Variants in ADAMTS20 observed in about 807,000 individuals in gnomAD.
The protein encoded by ADAMTS20 is A disintegrin and metalloproteinase with thrombospondin motifs 20.
In ADAMTS20, 225 loss-of-function variants were observed where a neutral mutation model predicts 260.1. That is an observed-to-expected ratio of 0.87 (90% CI 0.78 to 0.97). The LOEUF (loss-of-function observed/expected upper bound fraction) is 0.97, where lower values mean the gene tolerates loss of function less well. Among genes scored for constraint, ADAMTS20 ranks in the 50% least tolerant of loss-of-function variants. ADAMTS20 has a pLI of 0.00. For missense variants in ADAMTS20, 2,400 were observed against 2,337.7 expected (o/e 1.03, Z -0.55); for synonymous variants, 802 against 769.5 (o/e 1.04, Z -0.70).
At chr12:43,515,738 T>G (rs948338370) in intron 3 of ADAMTS20, among the ~76,000 whole-genome samples, 25 of 152,322 alleles carry the variant, frequency 1.6e-4, no homozygotes, top group African/African-American at 5.8e-4. Context: ...AATATGTTGA[T>G]TATGGAATCA....
In ADAMTS20 at chr12:43,367,954, C is replaced by T. The variant is rs138807535; in HGVS notation, c.5538+1336G>A. ...AAGCCTTCTTAATGTTGAGCTGGAACCTACTGCCCTATTAATGCCTCTGGA... is the reference window on the plus strand; with the variant it reads ...AAGCCTTCTTAATGTTGAGCTGGAATCTACTGCCCTATTAATGCCTCTGGA... On this transcript the variant is annotated intron_variant, in intron 37 of 38. Coordinates refer to ENST00000389420, the MANE Select transcript of ADAMTS20 (RefSeq NM_025003.5). Among the ~76,000 whole-genome samples, 152 of 152,138 alleles carry T rather than the reference C, an allele frequency of 1.0e-3. 1 individual carries two copies. In the East Asian group the frequency reaches 0.013, roughly 13 times the overall value.
At chr12:43,550,219 G>T (rs1053350916) in intron 2 of ADAMTS20, among the ~76,000 whole-genome samples, 10 of 152,136 alleles carry the variant, frequency 6.6e-5, no homozygotes, top group African/African-American at 2.4e-4. Flanking sequence ...TGAAACCACA[G>T]ACACTGTGGC....
chr12:43,443,621 C>A (rs1044848712), intron 16 of ADAMTS20, among the ~76,000 whole-genome samples, 170 bp downstream of exon 16: 1 of 151,228 alleles, frequency 6.6e-6, no homozygotes, highest in Non-Finnish European at 1.5e-5. Flanking sequence ...TTAAGTAATA[C>A]ATTTTTGAGT....
At position 43,358,741 on chromosome 12, in the gene ADAMTS20, G is replaced by A. The variant is rs959441634; in HGVS notation, c.5539-2153C>T. ...AGTCCCAGCTACACGGGAGGCTGAG[G>A]CAGGAGAATGGCGTGAACCCGGGAG... On this transcript the variant is annotated intron_variant, in intron 37 of 38. Transcript: ENST00000389420. 2.0e-5 allele frequency among the ~76,000 whole-genome samples: 3 copies of A among 149,804 alleles called. No individual in the cohort carries two copies. The South Asian group carries it at 6.4e-4, about 32-fold the overall frequency.
chr12:43,487,469 T>C (rs1048483787), intron 7 of ADAMTS20, among the ~76,000 whole-genome samples: 1 of 152,036 alleles, frequency 6.6e-6, no homozygotes, highest in African/African-American at 2.4e-5. Context: ...AACTACCTAT[T>C]AGGTACAATG....
intron 29 of ADAMTS20, among the ~76,000 whole-genome samples, chr12:43,396,601 T>A (rs1940709019): frequency 6.6e-6 from 1 of 152,134 alleles, no homozygotes; most frequent in African/African-American, 2.4e-5. Flanking sequence ...CTAATTTCTA[T>A]GACAAGGAAA....
intron 36 of ADAMTS20, among the ~76,000 whole-genome samples, chr12:43,374,553 G>A (rs1565670091): frequency 6.6e-6 from 1 of 152,040 alleles, no homozygotes; most frequent in Non-Finnish European, 1.5e-5. Context: ...TCTATGAGTA[G>A]GACTTTTTTT....
At chr12:43,480,683 G>A (rs1004296076) in intron 7 of ADAMTS20, among the ~76,000 whole-genome samples, 9 of 152,194 alleles carry the variant, frequency 5.9e-5, no homozygotes, top group African/African-American at 1.4e-4. Context: ...AGGACATTAC[G>A]CTCAGTGAAA....
chr12:43,468,900 CA>C (rs2137387437), intron 7 of ADAMTS20, among the ~76,000 whole-genome samples, 195 bp from the exon 8 acceptor site: 1 of 152,106 alleles, frequency 6.6e-6, no homozygotes, highest in Admixed American at 6.5e-5. Context: ...ATCATCTTTG[CA>C]AATTTTGGGA....
rs1941712667 is a variant in ADAMTS20, at chr12:43,443,850, G to A, written c.2231C>T (p.Ala744Val). The A allele has an allele frequency of 6.2e-7, 1 of 1,613,200 alleles. No homozygotes were observed. Among genetic ancestry groups the A allele is most frequent in the Non-Finnish European group, 8.5e-7 (1 of 1,179,400 alleles). The change falls in exon 16 of 39, where the codon GCA becomes GTA. Residue 744 changes from alanine to valine, a missense_variant. By Grantham distance (64) the Ala-to-Val change is moderately conservative (BLOSUM62 0). Transcript: ENST00000389420. ...GTACTGACGAATGTCAACGTTTGTT[G>A]CTCCTGCGGGAATCTTTACAACAAC... ...YNVVVKIPAGATNVDIRQYSY... is the reference protein window; with the variant it reads ...YNVVVKIPAGVTNVDIRQYSY...
At chr12:43,549,314 G>A (rs1479956309) in intron 2 of ADAMTS20, among the ~76,000 whole-genome samples, 2 of 151,860 alleles carry the variant, frequency 1.3e-5, no homozygotes, top group East Asian at 1.9e-4. Context: ...AAAAAAGTAT[G>A]ATGATGACTT....
chr12:43,381,816 GA>G (rs1940361433), intron 31 of ADAMTS20, among the ~76,000 whole-genome samples: 1 of 132,826 alleles, frequency 7.5e-6, no homozygotes, highest in Non-Finnish European at 1.6e-5. Context: ...ATGGGCAGAA[GA>G]TTTGAATAGA....
intron 28 of ADAMTS20, among the ~76,000 whole-genome samples, chr12:43,420,240 T>C (rs1447559756): frequency 6.6e-6 from 1 of 152,198 alleles, no homozygotes; most frequent in Non-Finnish European, 1.5e-5. Context: ...TTACATTCAT[T>C]GCTAAACTGC....
At chr12:43,486,370 G>C (rs1592093651) in intron 7 of ADAMTS20, among the ~76,000 whole-genome samples, 1 of 152,152 alleles carries the variant, frequency 6.6e-6, no homozygotes, top group Non-Finnish European at 1.5e-5. Context: ...AAGTTGGATA[G>C]CCACATGTAG....
At chr12:43,496,923 T>C (rs1942685904) in intron 4 of ADAMTS20, among the ~76,000 whole-genome samples, 1 of 152,136 alleles carries the variant, frequency 6.6e-6, no homozygotes. Context: ...ACCGTAGTCC[T>C]TAGCCCCCCG....
chr12:43,482,781 C>T (rs1296473371), intron 7 of ADAMTS20, among the ~76,000 whole-genome samples: 1 of 152,192 alleles, frequency 6.6e-6, no homozygotes, highest in Non-Finnish European at 1.5e-5. Context: ...CCCTGGGTAA[C>T]ATAAGGCAAG....
Position 43,532,031 on chromosome 12 carries a change from T to G in ADAMTS20, c.613+5A>C, listed in dbSNP as rs1280551723. ...AGCTGAAAAGAGTTCTATTTCACAG[T>G]TTACCTGACACACTGCAATACTTCA... On this transcript the variant is annotated splice_donor_5th_base_variant and intron_variant, in intron 3 of 38. Transcript: ENST00000389420. The G allele has an allele frequency of 6.6e-7, 1 of 1,523,950 alleles. No homozygotes were observed. The highest frequency in any genetic ancestry group is 1.4e-5 in the South Asian group (1 of 73,940). 94.4% of individuals were successfully genotyped at this position (1,523,950 alleles called of 1,614,324 possible). A position where few individuals can be genotyped will look rare whatever the true frequency, so the allele number is the denominator to read the frequency against.
chr12:43,363,376 T>G (rs1234895292), intron 37 of ADAMTS20, among the ~76,000 whole-genome samples: 1 of 152,060 alleles, frequency 6.6e-6, no homozygotes, highest in Non-Finnish European at 1.5e-5. Context: ...GAGCAGTCAA[T>G]CTATCCCAGG....
intron 7 of ADAMTS20, among the ~76,000 whole-genome samples, chr12:43,472,879 A>G (rs1353145651): frequency 6.7e-6 from 1 of 148,318 alleles, no homozygotes; most frequent in Non-Finnish European, 1.5e-5. Context: ...CCACTGCAAA[A>G]TCATGCCAAA....
Sources: allele counts gnomAD v4.1 joint callset (sites outside exome capture counted in the v4.1 genomes callset), GRCh38; gene constraint gnomAD v4.1.1; transcripts MANE v1.5; gene names NCBI Gene and HGNC (gene_info 2026-07-23, HGNC 2026-07-21).